CACNA1H: variants seen among roughly 807,000 people sequenced by gnomAD.
The protein encoded by CACNA1H is calcium voltage-gated channel subunit alpha1 H.
Under a neutral mutation model 192.5 loss-of-function variants are expected in CACNA1H, and 149 were observed. That is an observed-to-expected ratio of 0.77 (90% CI 0.68 to 0.89). The LOEUF is 0.89. Among genes scored for constraint, CACNA1H ranks in the 40% least tolerant of loss-of-function variants. CACNA1H has a pLI of 0.00. For synonymous variants in CACNA1H, 2,202 were observed against 1,475.2 expected (o/e 1.49, Z -11.29); for missense variants, 4,257 against 3,423.5 (o/e 1.24, Z -6.08).
intron 2 of CACNA1H, among the ~76,000 whole-genome samples, chr16:1,186,883 G>A (rs1486152153): frequency 2.0e-5 from 3 of 152,300 alleles, no homozygotes; most frequent in South Asian, 4.1e-4. Context: ...CCGTGGCCTC[G>A]AGGGTCCTTT....
At position 1,213,675 on chromosome 16, in the gene CACNA1H, AACTTCTACCCT is replaced by A; in HGVS notation, c.4778-102_4778-92del. The A allele has an allele frequency of 3.6e-6, 3 of 827,184 alleles. No individual in the cohort carries two copies. The East Asian group carries it at 8.3e-5, about 23-fold the overall frequency. 51.2% of individuals were successfully genotyped at this position (827,184 alleles called of 1,614,324 possible). The stretch of plus-strand genomic sequence containing the variant: ...ATCTTCACATGAGCCGTGGGCCCCC[AACTTCTACCCT>A]ACACTTGGCCACCTAGGAGGAGAAT... On this transcript the variant is annotated intron_variant, in intron 26 of 34. Coordinates refer to ENST00000348261, the MANE Select transcript of CACNA1H (RefSeq NM_021098.3).
At chr16:1,190,825 G>A (rs1966537932) in intron 2 of CACNA1H, among the ~76,000 whole-genome samples, 1 of 151,842 alleles carries the variant, frequency 6.6e-6, no homozygotes, top group Non-Finnish European at 1.5e-5. Flanking sequence ...CCCAAGAGCT[G>A]GGACCCGTCA....
At chr16:1,164,085 G>C (rs1336915816) in intron 2 of CACNA1H, among the ~76,000 whole-genome samples, 1 of 152,236 alleles carries the variant, frequency 6.6e-6, no homozygotes, top group East Asian at 1.9e-4. Flanking sequence ...GCCGGCACAG[G>C]TGTGGGGGCA....
intron 2 of CACNA1H, among the ~76,000 whole-genome samples, chr16:1,164,737 C>T (rs1257819638): frequency 2.0e-5 from 3 of 152,204 alleles, no homozygotes; most frequent in Non-Finnish European, 4.4e-5. Flanking sequence ...CGCAGAGGGG[C>T]CTCCTGGGGT....
intron 2 of CACNA1H, among the ~76,000 whole-genome samples, chr16:1,172,207 C>T (rs115414407): frequency 0.018 from 2,808 of 152,284 alleles, 90 homozygotes; most frequent in African/African-American, 0.064. Context: ...TGGCCCAGGG[C>T]GAGTCTGCCT....
At chr16:1,213,151 C>T (rs1969658589) in intron 26 of CACNA1H, among the ~76,000 whole-genome samples, 1 of 152,236 alleles carries the variant, frequency 6.6e-6, no homozygotes, top group East Asian at 1.9e-4. Context: ...GTCCGGCAGA[C>T]CCTAGACCAC....
rs1961822588 is a variant in CACNA1H at position 1,153,331 on chromosome 16, G to GCGGAGGCGCTGGGGGC, written c.-154_-139dup. On this transcript the variant is annotated 5_prime_UTR_variant, in exon 1 of 35. Coordinates refer to ENST00000348261, the MANE Select transcript of CACNA1H (RefSeq NM_021098.3). ...GGCGGGCTGGGGACGCGGGCCGGGGGCGGAGGCGCTGGGGGCCGGGGCCGG... is the reference window on the plus strand; with the variant it reads ...GGCGGGCTGGGGACGCGGGCCGGGGGCGGAGGCGCTGGGGGCCGGAGGCGCTGGGGGCCGGGGCCGG... The GCGGAGGCGCTGGGGGC allele has an allele frequency of 2.0e-5, 2 of 101,026 alleles. No individual in the cohort carries two copies. The highest frequency in any genetic ancestry group is 6.4e-5 in the African/African-American group (2 of 31,072). 6.3% of individuals were successfully genotyped at this position (101,026 alleles called of 1,614,324 possible). A position where few individuals can be genotyped will look rare whatever the true frequency, so the allele number is the denominator to read the frequency against.
At position 1,221,410 on chromosome 16, in the gene CACNA1H, G is replaced by A. The variant is rs373084612; in HGVS notation, c.*416G>A. On this transcript the variant is annotated 3_prime_UTR_variant, in exon 35 of 35. Transcript: ENST00000348261. ...GCCGGCGGCAGGTTGCAGCCACCGC[G>A]GCCCAATGTCACCTTCACTCACAGT... 5.2e-4 allele frequency: 152 copies of A among 291,960 alleles called. 1 individual carries two copies. The highest frequency in any genetic ancestry group is 3.0e-3 in the African/African-American group (137 of 45,454). The allele number at this position is 291,960 out of a possible 1,614,324, so 18.1% of individuals were successfully genotyped here. A position where few individuals can be genotyped will look rare whatever the true frequency, so the allele number is the denominator to read the frequency against.
intron 9 of CACNA1H, among the ~76,000 whole-genome samples, chr16:1,203,403 G>T (rs1474737785): frequency 6.6e-6 from 1 of 152,178 alleles, no homozygotes; most frequent in Non-Finnish European, 1.5e-5. Flanking sequence ...TTATATTTCT[G>T]TGGATGGCAC....
rs116880320 is a variant in CACNA1H, at chr16:1,204,563, C to A, written c.2451+105C>A. On this transcript the variant is annotated intron_variant, in intron 10 of 34. Transcript: ENST00000348261. ...CCCGATGCCTGACCTGATGGTAGGA[C>A]GGTCAGGCAGGGCTCTAGAAAGCCG... 75 of 896,204 alleles carry A rather than the reference C, an allele frequency of 8.4e-5. No individual in the cohort carries two copies. In the South Asian group the frequency reaches 1.2e-3, roughly 15 times the overall value. The allele number at this position is 896,204 out of a possible 1,614,324, so 55.5% of individuals were successfully genotyped here.
intron 6 of CACNA1H, chr16:1,198,977 C>A (rs1977846): frequency 1.8e-6 from 1 of 560,140 alleles, no homozygotes; most frequent in Non-Finnish European, 3.2e-6. Flanking sequence ...AGCTGGCAGT[C>A]ACCGCCCCAC....
chr16:1,212,321 C>A, intron 25 of CACNA1H, 183 bp downstream of exon 25: 1 of 1,141,224 alleles, frequency 8.8e-7, no homozygotes, highest in South Asian at 1.6e-5. Context: ...GGGGAGCCCG[C>A]CATGGCAGGA....
chr16:1,177,922 T>C (rs1246714824), intron 2 of CACNA1H, among the ~76,000 whole-genome samples: 2 of 151,456 alleles, frequency 1.3e-5, no homozygotes, highest in Non-Finnish European at 2.9e-5. Context: ...ACACAAACTC[T>C]CCGTCCCCAG....
rs1399432499 is a variant in CACNA1H, at chr16:1,207,361, C to T, written c.2994C>T (p.Leu998=). 5.6e-6 allele frequency: 9 copies of T among 1,613,236 alleles called. No individual in the cohort carries two copies. Among genetic ancestry groups the T allele is most frequent in the Non-Finnish European group, 6.8e-6 (8 of 1,179,800 alleles). The change falls in exon 14 of 35, where the codon CTC becomes CTT. Residue 998 remains leucine, a synonymous_variant. Transcript: ENST00000348261. ...SSWAALYFVA[L]MTFGNYVLFN... ...GGGCCGCCCTCTACTTCGTGGCCCT[C>T]ATGACCTTCGGCAACTATGTGCTCT...
intron 2 of CACNA1H, among the ~76,000 whole-genome samples, chr16:1,181,085 T>A (rs112096077): frequency 3.6e-3 from 544 of 152,322 alleles, no homozygotes; most frequent in African/African-American, 0.012. Context: ...CAGTTATTTC[T>A]GGCCTGGAGA....
chr16:1,166,729 G>C (rs1340830623), intron 2 of CACNA1H, among the ~76,000 whole-genome samples: 1 of 152,114 alleles, frequency 6.6e-6, no homozygotes, highest in Non-Finnish European at 1.5e-5. Flanking sequence ...CTCGAGCTTT[G>C]TGCGGGCCGG....
At chr16:1,201,090 G>A (rs1045213084) in intron 8 of CACNA1H, among the ~76,000 whole-genome samples, 3 of 152,134 alleles carry the variant, frequency 2.0e-5, no homozygotes, top group Non-Finnish European at 4.4e-5. Flanking sequence ...GCTTTCCACG[G>A]GCGTGTGTGG....
intron 2 of CACNA1H, among the ~76,000 whole-genome samples, chr16:1,162,674 G>A (rs568108512): frequency 6.6e-6 from 1 of 151,064 alleles, no homozygotes; most frequent in Admixed American, 6.6e-5. Flanking sequence ...GGAGCCGAGC[G>A]TCTTGGGACC....
Position 1,195,519 on chromosome 16 carries a change from C to G in CACNA1H, c.499C>G (p.Leu167Val), listed in dbSNP as rs773672916. 2 of 1,604,422 alleles carry G rather than the reference C, an allele frequency of 1.2e-6. No homozygotes were observed. The highest frequency in any genetic ancestry group is 1.7e-5 in the Admixed American group (1 of 58,764). ...ALGLFGQKCY[L>V]GDTWNRLDFF... is the part of the protein sequence containing the mutation. ...GGGGCTGTTCGGGCAGAAGTGTTAC[C>G]TGGGTGACACGTGGAACAGGCTGGA... The change falls in exon 4 of 35, where the codon CTG becomes GTG. Residue 167 changes from leucine (L) to valine (V), a missense_variant. Physicochemically the swap from Leu to Val is conservative, Grantham distance 32. Coordinates refer to ENST00000348261, the MANE Select transcript of CACNA1H (RefSeq NM_021098.3).
Sources: gnomAD v4.1 joint callset for allele counts (sites outside exome capture counted in the v4.1 genomes callset) on GRCh38, gnomAD v4.1.1 for gene constraint, MANE v1.5 for transcripts, NCBI Gene and HGNC (gene_info 2026-07-23, HGNC 2026-07-21) for gene names.